ANAPC5: variants seen among roughly 807,000 people sequenced by gnomAD.
ANAPC5 encodes the protein anaphase-promoting complex subunit 5.
In ANAPC5, 60 loss-of-function variants were observed where a neutral mutation model predicts 91.3. That is an observed-to-expected ratio of 0.66 (90% CI 0.53 to 0.81). ANAPC5 has a LOEUF of 0.81. ANAPC5 is among the 40% of genes least tolerant of loss of function. ANAPC5 has a pLI of 0.00. For missense variants in ANAPC5, 690 were observed against 931.5 expected (o/e 0.74, Z 3.37); for synonymous variants, 340 against 364.1 (o/e 0.93, Z 0.75).
chr12:121,346,565 C>T, intron 3 of ANAPC5: 1 of 222,192 alleles, frequency 4.5e-6, no homozygotes, highest in Non-Finnish European at 8.7e-6. Flanking sequence ...TTTTTACTTA[C>T]CTCTCTTCAT....
rs1397726367 is a variant in ANAPC5, at chr12:121,318,439, G to T, written c.1746-15C>A. 3.7e-6 allele frequency: 6 copies of T among 1,610,900 alleles called. No homozygotes were observed. The highest frequency in any genetic ancestry group is 5.1e-6 in the Non-Finnish European group (6 of 1,177,972). ...ACAGTAGGACACTGACCGTAAAGAG[G>T]AAAACACAGGATGAGAAGATCCACC... On this transcript the variant is annotated splice_polypyrimidine_tract_variant and intron_variant, in intron 14 of 16. Coordinates refer to ENST00000261819, the MANE Select transcript of ANAPC5 (RefSeq NM_016237.5).
At chr12:121,339,946 G>C (rs12821054) in intron 5 of ANAPC5, among the ~76,000 whole-genome samples, 1 of 139,468 alleles carries the variant, frequency 7.2e-6, no homozygotes, top group Non-Finnish European at 1.5e-5. Flanking sequence ...GTGTGATCTC[G>C]GCTCACTGTA....
chr12:121,336,731 C>G (rs1555273516), intron 6 of ANAPC5, among the ~76,000 whole-genome samples: 1 of 152,104 alleles, frequency 6.6e-6, no homozygotes, highest in East Asian at 1.9e-4. Context: ...TATATTATCT[C>G]CAGTCCAAAC....
intron 11 of ANAPC5, among the ~76,000 whole-genome samples, chr12:121,321,761 C>T (rs1033157101): frequency 1.5e-4 from 23 of 151,990 alleles, no homozygotes; most frequent in African/African-American, 5.6e-4. Context: ...TGGTCTCAAA[C>T]TCCTGGCCTC....
chr12:121,351,222 A>C, intron 1 of ANAPC5: 1 of 360,816 alleles, frequency 2.8e-6, no homozygotes, highest in Non-Finnish European at 5.5e-6. Context: ...AATGCAAAAA[A>C]ATTAGCTGGG....
At chr12:121,321,343 CTTTTTTTTTTTTTT>C (rs71079053) in intron 11 of ANAPC5, among the ~76,000 whole-genome samples, 2 of 100,672 alleles carry the variant, frequency 2.0e-5, no homozygotes, top group African/African-American at 3.8e-5. Context: ...AAACAAATTA[CTTTTTTTTTTTTTT>C]TTTTTTTTTT....
At chr12:121,352,822 A>G (rs1335069400), upstream of ANAPC5, among the ~76,000 whole-genome samples, 2 of 149,708 alleles carry the variant, frequency 1.3e-5, no homozygotes, top group East Asian at 3.9e-4. Flanking sequence ...CTCAAAGAGC[A>G]CTGCACCCTC....
Position 121,313,570 on chromosome 12 carries a change from C to CT in ANAPC5, c.1894-3708dup, listed in dbSNP as rs1194521566. Among the ~76,000 whole-genome samples, 5 of 152,208 alleles carry CT rather than the reference C, an allele frequency of 3.3e-5. No homozygotes were observed. The South Asian group carries it at 1.0e-3, about 32-fold the overall frequency. On this transcript the variant is annotated intron_variant, in intron 15 of 16. Transcript: ENST00000261819. ...CCGAAGTCAGGGATGACACTGGGGA[C>CT]TTTACTAACAACCTTACAAAAGTAA... is the stretch of plus-strand genomic sequence containing the variant.
chr12:121,349,956 C>A (rs1339729652), intron 1 of ANAPC5, among the ~76,000 whole-genome samples: 3 of 151,972 alleles, frequency 2.0e-5, no homozygotes, highest in African/African-American at 7.3e-5. Context: ...AGTGATCCAC[C>A]CACCTCAGCC....
intron 2 of ANAPC5, 24 bp from the exon 3 acceptor site, chr12:121,347,029 T>C: frequency 6.6e-7 from 1 of 1,505,330 alleles, no homozygotes; most frequent in Non-Finnish European, 9.1e-7. Context: ...TCGAGGTGCA[T>C]ATTTTAGAAA....
At chr12:121,343,977 A>G (rs782554549) in intron 4 of ANAPC5, among the ~76,000 whole-genome samples, 1 of 152,230 alleles carries the variant, frequency 6.6e-6, no homozygotes, top group Non-Finnish European at 1.5e-5. Flanking sequence ...TTTGGAAGCA[A>G]TCTCAGATAA....
chr12:121,319,628 A>G (rs1902515992), intron 13 of ANAPC5, 69 bp downstream of exon 13: 7 of 1,477,186 alleles, frequency 4.7e-6, no homozygotes, highest in Non-Finnish European at 6.4e-6. Context: ...ATTAATGCAC[A>G]TATAAAACAA....
chr12:121,315,745 C>A (rs79487416), intron 15 of ANAPC5, among the ~76,000 whole-genome samples: 7 of 151,886 alleles, frequency 4.6e-5, no homozygotes, highest in African/African-American at 1.7e-4. Flanking sequence ...AACCTATATC[C>A]GTATGCAGAA....
chr12:121,313,603 T>G (rs1186078229), intron 15 of ANAPC5, among the ~76,000 whole-genome samples: 4 of 152,080 alleles, frequency 2.6e-5, no homozygotes, highest in Non-Finnish European at 4.4e-5. Context: ...TAAAATGGAT[T>G]ATACAAGAAT....
At chr12:121,349,634 C>A (rs2136823949) in intron 1 of ANAPC5, among the ~76,000 whole-genome samples, 2 of 150,466 alleles carry the variant, frequency 1.3e-5, no homozygotes, top group South Asian at 2.1e-4. Context: ...AGTAGTTAGC[C>A]AGGTTAAAAA....
intron 6 of ANAPC5, among the ~76,000 whole-genome samples, chr12:121,337,025 C>T (rs1903260646): frequency 6.6e-6 from 1 of 152,206 alleles, no homozygotes; most frequent in Non-Finnish European, 1.5e-5. Flanking sequence ...CAAGACCATC[C>T]TGGCCAACAT....
intron 5 of ANAPC5, among the ~76,000 whole-genome samples, chr12:121,339,382 T>C (rs1291017652): frequency 6.6e-6 from 1 of 152,174 alleles, no homozygotes; most frequent in Non-Finnish European, 1.5e-5. Flanking sequence ...AAAACCAAAA[T>C]CTAAACTTTC....
At chr12:121,334,012 A>C (rs1903136108) in intron 7 of ANAPC5, 1 of 152,204 alleles carries the variant, frequency 6.6e-6, no homozygotes, top group Non-Finnish European at 1.5e-5. Flanking sequence ...CCAGTGGCTC[A>C]TGCTTGTAAT....
upstream of ANAPC5, among the ~76,000 whole-genome samples, chr12:121,353,569 T>A (rs1160076213): frequency 6.6e-6 from 1 of 151,876 alleles, no homozygotes; most frequent in African/African-American, 2.4e-5. Flanking sequence ...GCCTACCGAG[T>A]AGCTGGGACT....
Sources: gnomAD v4.1 joint callset for allele counts (sites outside exome capture counted in the v4.1 genomes callset) on GRCh38, gnomAD v4.1.1 for gene constraint, MANE v1.5 for transcripts, NCBI Gene and HGNC (gene_info 2026-07-23, HGNC 2026-07-21) for gene names.